The following KIF16B variants were observed in gnomAD, a reference collection of about 807,000 sequenced individuals.
KIF16B encodes the protein kinesin family member 16B, also known as kinesin-like protein KIF16B.
A neutral mutation model predicts 156.3 loss-of-function variants in KIF16B; 98 were observed. The observed-to-expected ratio is 0.63, with a 90% confidence interval of 0.53 to 0.74. The LOEUF (loss-of-function observed/expected upper bound fraction) is 0.74, where lower values mean the gene tolerates loss of function less well. Among genes scored for constraint, KIF16B ranks in the 30% least tolerant of loss-of-function variants. The probability of loss-of-function intolerance (pLI) is 0.00; values close to 1 mark genes in which losing one functional copy is unlikely to be tolerated. For missense variants in KIF16B, 1,421 were observed against 1,606.5 expected, an observed-to-expected ratio of 0.88 and a Z score of 1.97; for synonymous variants, 564 against 583.7, an observed-to-expected ratio of 0.97 and a Z score of 0.49.
At chr20:16,303,861 G>A (rs112675863) in intron 25 of KIF16B, among the ~76,000 whole-genome samples, 1 of 152,096 alleles carries the variant, frequency 6.6e-6, no homozygotes, top group South Asian at 2.1e-4. Context: ...CGGTGGGCAG[G>A]GCATGCCTCT....
At position 16,545,468 on chromosome 20, in the gene KIF16B, C is replaced by T. The variant is rs573409098; in HGVS notation, c.48-17028G>A. Reference sequence around the variant, plus strand: ...TCACTTGAGGTCAGGAGCTTGAGACCAGCCTGGCCAACATAGTGAAACCCC... The same window carrying T: ...TCACTTGAGGTCAGGAGCTTGAGACTAGCCTGGCCAACATAGTGAAACCCC... On this transcript the variant is annotated intron_variant, in intron 1 of 25. Transcript: ENST00000354981. 7.9e-5 allele frequency among the ~76,000 whole-genome samples: 12 copies of T among 152,048 alleles called. No individual in the cohort carries two copies. In the South Asian group the frequency reaches 1.2e-3, roughly 16 times the overall value.
chr20:16,486,459 C>T lies in KIF16B; in HGVS notation c.1302+7832G>A, dbSNP rs1489177164. Among the ~76,000 whole-genome samples the T allele has an allele frequency of 3.3e-5, 5 of 152,172 alleles. No individual in the cohort carries two copies. In the South Asian group the frequency reaches 8.3e-4, roughly 25 times the overall value. On this transcript the variant is annotated intron_variant, in intron 12 of 25. Transcript: ENST00000354981. ...TGCCCACCACCTCTCATCTCTTCTTCGCCCAAAAGTTTTCAAAAGTTTGAA... is the reference window on the plus strand; with the variant it reads ...TGCCCACCACCTCTCATCTCTTCTTTGCCCAAAAGTTTTCAAAAGTTTGAA...
intron 22 of KIF16B, 98 bp from the exon 23 acceptor site, chr20:16,356,550 T>C (rs2064447148): frequency 1.5e-6 from 2 of 1,356,454 alleles, no homozygotes; most frequent in East Asian, 2.3e-5. Flanking sequence ...GTGTTTCAAG[T>C]AGAGAAAAGA....
intron 6 of KIF16B, among the ~76,000 whole-genome samples, chr20:16,510,291 A>T (rs1434503817): frequency 6.6e-6 from 1 of 152,226 alleles, no homozygotes; most frequent in East Asian, 1.9e-4. Context: ...ACCACAGAAC[A>T]ACTACATACT....
intron 24 of KIF16B, among the ~76,000 whole-genome samples, chr20:16,313,654 A>C (rs1013284768): frequency 6.6e-6 from 1 of 152,066 alleles, no homozygotes; most frequent in African/African-American, 2.4e-5. Flanking sequence ...GGTTTTTCCT[A>C]CTTTTGAACT....
chr20:16,285,387 T>G (rs1327637046), intron 25 of KIF16B, among the ~76,000 whole-genome samples: 1 of 152,264 alleles, frequency 6.6e-6, no homozygotes, highest in Non-Finnish European at 1.5e-5. Context: ...TGTACATGTC[T>G]TCGCTACAAT....
Position 16,511,479 on chromosome 20 carries a change from C to G in KIF16B, c.495G>C (p.Lys165Asn), listed in dbSNP as rs1351620165. 6.2e-7 allele frequency: 1 copy of G among 1,612,676 alleles called. No homozygotes were observed. Among genetic ancestry groups the G allele is most frequent in the South Asian group, 1.1e-5 (1 of 90,666 alleles). Reference protein sequence around the residue: ...NERVRDLLRRKSSKTFNLRVR... With the variant: ...NERVRDLLRRNSSKTFNLRVR... ...CTCTCAAATTGAAGGTTTTAGATGA[C>G]TTCCGCCGAAGTAGATCTCTCACAC... is the stretch of plus-strand genomic sequence containing the variant. Residue 165 changes from lysine to asparagine, a missense_variant, in exon 6 of 26, where the codon AAG (lysine) becomes AAC (asparagine). Transcript: ENST00000354981.
At chr20:16,535,067 A>G (rs1224604918) in intron 1 of KIF16B, among the ~76,000 whole-genome samples, 1 of 152,032 alleles carries the variant, frequency 6.6e-6, no homozygotes, top group Non-Finnish European at 1.5e-5. Flanking sequence ...ATTGCACTGA[A>G]ATTGTAGATT....
intron 24 of KIF16B, among the ~76,000 whole-genome samples, chr20:16,316,609 G>A (rs572329671): frequency 1.3e-5 from 2 of 152,120 alleles, no homozygotes; most frequent in Admixed American, 6.5e-5. Context: ...AAGAAGGTGG[G>A]GAGCAGGGGC....
intron 14 of KIF16B, 148 bp downstream of exon 14, chr20:16,428,805 A>G (rs988671251): frequency 8.0e-6 from 5 of 624,482 alleles, no homozygotes; most frequent in Non-Finnish European, 1.4e-5. Context: ...ATATACACAC[A>G]TATATATACG....
chr20:16,439,391 G>A (rs1202176197), intron 12 of KIF16B, among the ~76,000 whole-genome samples: 1 of 152,078 alleles, frequency 6.6e-6, no homozygotes, highest in Non-Finnish European at 1.5e-5. Context: ...CACACGTTTG[G>A]AATAAAATGG....
Position 16,511,464 on chromosome 20 carries a change from G to T in KIF16B, c.510C>A (p.Phe170Leu), listed in dbSNP as rs780119173. 1.9e-6 allele frequency: 3 copies of T among 1,612,512 alleles called. No individual in the cohort carries two copies. The African/African-American group carries it at 4.0e-5, about 22-fold the overall frequency. The change falls in exon 6 of 26, where the codon TTC becomes TTA. Residue 170 changes from phenylalanine (F) to leucine (L), a missense_variant. Phe to Leu is a conservative substitution (Grantham distance 22). Coordinates refer to ENST00000354981, the MANE Select transcript of KIF16B (RefSeq NM_024704.5). ...DLLRRKSSKT[F>L]NLRVREHPKE... is the part of the protein sequence containing the mutation. ...TGGGATGCTCACGGACTCTCAAATT[G>T]AAGGTTTTAGATGACTTCCGCCGAA...
At chr20:16,568,856 A>G (rs6131844) in intron 1 of KIF16B, among the ~76,000 whole-genome samples, 108,193 of 136,640 alleles carry the variant, frequency 0.79, 43,354 homozygotes, top group African/African-American at 0.9. Flanking sequence ...AAAAAAAGGC[A>G]TAGCTGTGAC....
chr20:16,479,969 C>T (rs2067932596), intron 12 of KIF16B, among the ~76,000 whole-genome samples: 1 of 152,146 alleles, frequency 6.6e-6, no homozygotes, highest in Non-Finnish European at 1.5e-5. Flanking sequence ...AGACCTCAGG[C>T]TAGACGTCTC....
At chr20:16,375,977 C>T (rs2064941128) in intron 19 of KIF16B, among the ~76,000 whole-genome samples, 1 of 152,166 alleles carries the variant, frequency 6.6e-6, no homozygotes, top group Non-Finnish European at 1.5e-5. Flanking sequence ...TGCAACTCTG[C>T]CACTTTCTAA....
chr20:16,539,349 G>A (rs2070105291), intron 1 of KIF16B, among the ~76,000 whole-genome samples: 2 of 152,326 alleles, frequency 1.3e-5, no homozygotes, highest in African/African-American at 4.8e-5. Context: ...GAGGTCTCAG[G>A]TGGAAATCAG....
intron 17 of KIF16B, among the ~76,000 whole-genome samples, chr20:16,393,380 T>A (rs911706000): frequency 1.3e-5 from 2 of 152,258 alleles, no homozygotes; most frequent in Non-Finnish European, 2.9e-5. Flanking sequence ...TTTGCTTCTA[T>A]CAATCTGTGG....
intron 12 of KIF16B, among the ~76,000 whole-genome samples, chr20:16,432,718 G>T (rs1220911398): frequency 1.3e-5 from 2 of 151,856 alleles, no homozygotes; most frequent in Admixed American, 6.6e-5. Flanking sequence ...CATGCGAGAG[G>T]GCGGTGAAAT....
intron 24 of KIF16B, among the ~76,000 whole-genome samples, chr20:16,332,558 G>A (rs2063966258): frequency 6.6e-6 from 1 of 152,126 alleles, no homozygotes; most frequent in South Asian, 2.1e-4. Flanking sequence ...GTCCTTATGT[G>A]AGAGTAATTA....
Sources: allele counts gnomAD v4.1 joint callset (sites outside exome capture counted in the v4.1 genomes callset), GRCh38; gene constraint gnomAD v4.1.1; transcripts MANE v1.5; gene names NCBI Gene and HGNC (gene_info 2026-07-23, HGNC 2026-07-21).